CDC42EP3: variants seen among roughly 807,000 people sequenced by gnomAD.
CDC42EP3 encodes CDC42 effector protein (Rho GTPase binding) 3.
A neutral mutation model predicts 15.5 loss-of-function variants in CDC42EP3; 4 were observed. The ratio of observed to expected loss-of-function variants is 0.26; its 90% confidence interval spans 0.13 to 0.59. CDC42EP3 has a LOEUF of 0.59. Ranked by LOEUF, CDC42EP3 falls within the 20% of genes least tolerant of loss-of-function variation. The probability of loss-of-function intolerance (pLI) is 0.89; values close to 1 mark genes in which losing one functional copy is unlikely to be tolerated. For synonymous variants in CDC42EP3, 145 were observed against 130.3 expected (o/e 1.11, Z -0.77); for missense variants, 309 against 311.2 (o/e 0.99, Z 0.05).
chr2:37,661,400 G>A (rs892265338), intron 1 of CDC42EP3, among the ~76,000 whole-genome samples: 27 of 152,078 alleles, frequency 1.8e-4, no homozygotes, highest in Non-Finnish European at 7.4e-5. Flanking sequence ...TATTAATAGG[G>A]CAAGTGACTT....
intron 1 of CDC42EP3, among the ~76,000 whole-genome samples, chr2:37,665,696 CAAATGTGGAAGCTGTCTA>C (rs1666227670): frequency 6.6e-6 from 1 of 152,164 alleles, no homozygotes; most frequent in African/African-American, 2.4e-5. Context: ...GACGGATTCC[CAAATGTGGAAGCTGTCTA>C]AATAGAGGCC....
chr2:37,654,728 C>T (rs562511577), intron 1 of CDC42EP3, among the ~76,000 whole-genome samples: 7 of 152,176 alleles, frequency 4.6e-5, no homozygotes, highest in Non-Finnish European at 1.0e-4. Flanking sequence ...CATAGAAAAA[C>T]GCACACGGAC....
At chr2:37,668,622 T>C (rs892912258) in intron 1 of CDC42EP3, among the ~76,000 whole-genome samples, 1 of 152,260 alleles carries the variant, frequency 6.6e-6, no homozygotes, top group African/African-American at 2.4e-5. Flanking sequence ...CACTCATGCC[T>C]GCACATATTG....
At chr2:37,657,218 CTTCTT>C (rs1207568255) in intron 1 of CDC42EP3, among the ~76,000 whole-genome samples, 5 of 152,066 alleles carry the variant, frequency 3.3e-5, no homozygotes, top group African/African-American at 1.2e-4. Context: ...GCTCTCCCAC[CTTCTT>C]ACCATCAGCC....
At chr2:37,669,427 G>T (rs1666340340) in intron 1 of CDC42EP3, among the ~76,000 whole-genome samples, 1 of 152,176 alleles carries the variant, frequency 6.6e-6, no homozygotes, top group South Asian at 2.1e-4. Flanking sequence ...GAGCCCTTCT[G>T]CAATCACTGT....
chr2:37,672,418 C>A (rs536491485), upstream of CDC42EP3: 1 of 152,218 alleles, frequency 6.6e-6, no homozygotes, highest in Non-Finnish European at 1.5e-5. Flanking sequence ...TGGGGCAAGC[C>A]GGTGGCGGCT....
intron 1 of CDC42EP3, among the ~76,000 whole-genome samples, chr2:37,661,130 C>CGT (rs1302753814): frequency 3.2e-5 from 4 of 125,856 alleles, no homozygotes; most frequent in Admixed American, 8.1e-5. Flanking sequence ...TGTGTGTGTG[C>CGT]GTGTGTGTAT....
chr2:37,664,793 T>G (rs1351360891), intron 1 of CDC42EP3, among the ~76,000 whole-genome samples: 1 of 152,164 alleles, frequency 6.6e-6, no homozygotes, highest in African/African-American at 2.4e-5. Context: ...GCCATTAGTC[T>G]TAGCAAACTG....
At chr2:37,660,788 T>TA (rs11315857) in intron 1 of CDC42EP3, among the ~76,000 whole-genome samples, 184 of 146,712 alleles carry the variant, frequency 1.3e-3, no homozygotes, top group Non-Finnish European at 1.6e-3. Context: ...ACCTTAAGGT[T>TA]AAAAAAAAAA....
At chr2:37,660,013 G>C (rs539336774) in intron 1 of CDC42EP3, among the ~76,000 whole-genome samples, 63 of 152,300 alleles carry the variant, frequency 4.1e-4, no homozygotes, top group Non-Finnish European at 6.3e-4. Context: ...CTGGGTACCA[G>C]TTACCTTCAT....
Position 37,670,482 on chromosome 2 carries a change from C to CTT in CDC42EP3, c.-236+942_-236+943dup, listed in dbSNP as rs5830491. 3.8e-3 allele frequency among the ~76,000 whole-genome samples: 520 copies of CTT among 136,632 alleles called. 2 individuals carry two copies. The highest frequency in any genetic ancestry group is 6.2e-3 in the Non-Finnish European group (388 of 63,084). 89.6% of individuals were successfully genotyped at this position (136,632 alleles called of 152,430 possible). A position where few individuals can be genotyped will look rare whatever the true frequency, so the allele number is the denominator to read the frequency against. On this transcript the variant is annotated intron_variant, in intron 1 of 1. Transcript: ENST00000295324. The stretch of plus-strand genomic sequence containing the variant: ...GACATTCCTCATTTTAATTCGCTCA[C>CTT]TTTTTTTTTTTTTTTTTTTAAACAA...
chr2:37,652,529 G>T (rs1665723545), intron 1 of CDC42EP3, among the ~76,000 whole-genome samples: 1 of 152,112 alleles, frequency 6.6e-6, no homozygotes, highest in South Asian at 2.1e-4. Flanking sequence ...TGAGGGTGCT[G>T]AGCACATTCA....
intron 1 of CDC42EP3, among the ~76,000 whole-genome samples, chr2:37,650,760 C>T (rs1300226849): frequency 1.3e-5 from 2 of 152,210 alleles, no homozygotes; most frequent in Non-Finnish European, 2.9e-5. Flanking sequence ...CTGTTTAAAA[C>T]ACAAATGTGT....
chr2:37,646,319 G>C lies in CDC42EP3; in HGVS notation c.269C>G (p.Thr90Ser). 4.3e-6 allele frequency: 7 copies of C among 1,614,170 alleles called. No individual in the cohort carries two copies. Among genetic ancestry groups the C allele is most frequent in the Non-Finnish European group, 5.1e-6 (6 of 1,180,034 alleles). ...CGTTTCTGTGAACACAGAGTCCGAG[G>C]TGCTGTTGGCCCGGAAGAACTCATT... ...GHNEFFRANS[T>S]SDSVFTETPS... Residue 90 changes from threonine (T) to serine (S), a missense_variant, in exon 2 of 2, where the codon ACC (threonine) becomes AGC (serine). By Grantham distance (58) the Thr-to-Ser change is moderately conservative. Coordinates refer to ENST00000295324, the MANE Select transcript of CDC42EP3 (RefSeq NM_006449.5).
At position 37,646,325 on chromosome 2, in the gene CDC42EP3, T is replaced by C. The variant is rs1434868359; in HGVS notation, c.263A>G (p.Asn88Ser). 2 of 1,614,032 alleles carry C rather than the reference T, an allele frequency of 1.2e-6. No individual in the cohort carries two copies. Among genetic ancestry groups the C allele is most frequent in the African/African-American group, 1.3e-5 (1 of 74,912 alleles). ...FPGHNEFFRA[N>S]STSDSVFTET... ...TGTGAACACAGAGTCCGAGGTGCTG[T>C]TGGCCCGGAAGAACTCATTATGCCC... The change falls in exon 2 of 2, where the codon AAC (asparagine) becomes AGC (serine). Residue 88 changes from asparagine to serine, a missense_variant. Physicochemically the swap from Asn to Ser is conservative, Grantham distance 46. Coordinates refer to ENST00000295324, the MANE Select transcript of CDC42EP3 (RefSeq NM_006449.5).
chr2:37,649,732 C>T (rs954830002), intron 1 of CDC42EP3, among the ~76,000 whole-genome samples: 1 of 152,102 alleles, frequency 6.6e-6, no homozygotes, highest in Non-Finnish European at 1.5e-5. Flanking sequence ...CAGGCACCAG[C>T]ACCAGGGGCC....
chr2:37,657,620 C>T (rs1665911785), intron 1 of CDC42EP3, among the ~76,000 whole-genome samples: 1 of 152,206 alleles, frequency 6.6e-6, no homozygotes, highest in Non-Finnish European at 1.5e-5. Context: ...CAAGGGTCTA[C>T]AAGCTACAGG....
At chr2:37,651,873 T>C (rs905681359) in intron 1 of CDC42EP3, among the ~76,000 whole-genome samples, 1 of 152,062 alleles carries the variant, frequency 6.6e-6, no homozygotes, top group Non-Finnish European at 1.5e-5. Context: ...TCCCTCCTCA[T>C]CATTTTAAGA....
intron 1 of CDC42EP3, among the ~76,000 whole-genome samples, chr2:37,651,972 A>G (rs1006913824): frequency 8.6e-5 from 13 of 151,816 alleles, no homozygotes; most frequent in Non-Finnish European, 1.6e-4. Context: ...TCAGGAGATA[A>G]AGACCATCCT....
Sources: gnomAD v4.1 joint callset for allele counts (sites outside exome capture counted in the v4.1 genomes callset) on GRCh38, gnomAD v4.1.1 for gene constraint, MANE v1.5 for transcripts, NCBI Gene and HGNC (gene_info 2026-07-23, HGNC 2026-07-21) for gene names.